HIPK2: variants seen among roughly 807,000 people sequenced by gnomAD.
The protein encoded by HIPK2 is homeodomain-interacting protein kinase 2.
A neutral mutation model predicts 113.7 loss-of-function variants in HIPK2; 27 were observed. That is an observed-to-expected ratio of 0.24 (90% CI 0.17 to 0.33). The LOEUF is 0.33. HIPK2 is among the 10% of genes least tolerant of loss of function. The pLI is 1.00. For synonymous variants in HIPK2, 631 were observed against 642.2 expected, an observed-to-expected ratio of 0.98 and a Z score of 0.26; for missense variants, 1,257 against 1,588.0, an observed-to-expected ratio of 0.79 and a Z score of 3.54.
intron 1 of HIPK2, among the ~76,000 whole-genome samples, chr7:139,717,935 G>T (rs1460542966): frequency 6.6e-6 from 1 of 151,836 alleles, no homozygotes; most frequent in Non-Finnish European, 1.5e-5. Context: ...GTAGGGATGG[G>T]GTTTCACCAT....
intron 2 of HIPK2, among the ~76,000 whole-genome samples, chr7:139,710,569 G>C (rs1179563269): frequency 6.6e-6 from 1 of 152,224 alleles, no homozygotes; most frequent in Non-Finnish European, 1.5e-5. Flanking sequence ...TCCTCAAAGA[G>C]ACTGTGAACT....
At chr7:139,751,376 T>C (rs1796275084) in intron 1 of HIPK2, among the ~76,000 whole-genome samples, 1 of 152,190 alleles carries the variant, frequency 6.6e-6, no homozygotes, top group Non-Finnish European at 1.5e-5. Context: ...CCCCTTTGTG[T>C]GACTCAAGAA....
At chr7:139,575,391 C>T in intron 13 of HIPK2, 103 bp from the exon 14 acceptor site, 19 of 1,349,580 alleles carry the variant, frequency 1.4e-5, no homozygotes, top group Non-Finnish European at 1.9e-5. Flanking sequence ...GAAACATGTG[C>T]CTGAGGCCGG....
intron 2 of HIPK2, among the ~76,000 whole-genome samples, chr7:139,687,902 G>T (rs1794274463): frequency 6.6e-6 from 1 of 152,196 alleles, no homozygotes; most frequent in African/African-American, 2.4e-5. Flanking sequence ...GAGAGGAGAT[G>T]AAATTTCCCA....
At chr7:139,646,704 C>G (rs568731253) in intron 2 of HIPK2, among the ~76,000 whole-genome samples, 27 of 152,104 alleles carry the variant, frequency 1.8e-4, no homozygotes, top group Non-Finnish European at 3.7e-4. Flanking sequence ...CTCGTGAGCC[C>G]CAAACACTAC....
At chr7:139,757,789 A>G (rs931506341) in intron 1 of HIPK2, among the ~76,000 whole-genome samples, 1 of 152,202 alleles carries the variant, frequency 6.6e-6, no homozygotes, top group African/African-American at 2.4e-5. Context: ...TGGTTGCACA[A>G]TTTGTGAATA....
intron 1 of HIPK2, among the ~76,000 whole-genome samples, chr7:139,764,733 C>T (rs1034900643): frequency 2.0e-5 from 3 of 152,000 alleles, no homozygotes; most frequent in East Asian, 1.9e-4. Flanking sequence ...TGTCACCTGG[C>T]GAGAGGGGTA....
chr7:139,614,428 T>C lies in HIPK2; in HGVS notation c.1848A>G (p.Pro616=). Residue 616 remains proline, a synonymous_variant, in exon 8 of 15, where the codon CCA becomes CCG. Transcript: ENST00000406875. ...CCGCTGAGGGCTGGTAGAGTGTAGA[T>C]GGGTAGTTTAGTATGGAGACTTCGG... ...ANPEVSILNY[P]STLYQPSAAS... The C allele has an allele frequency of 6.4e-7, 1 of 1,550,894 alleles. No homozygotes were observed. Among genetic ancestry groups the C allele is most frequent in the Non-Finnish European group, 8.8e-7 (1 of 1,142,582 alleles).
chr7:139,663,158 C>T (rs1479025140), intron 2 of HIPK2, among the ~76,000 whole-genome samples: 2 of 152,198 alleles, frequency 1.3e-5, no homozygotes, highest in African/African-American at 4.8e-5. Flanking sequence ...GCCCACTGGC[C>T]TTTCAGAGTG....
rs1343761002 is a variant in HIPK2, at chr7:139,565,300, T to A, written c.*7627A>T. On this transcript the variant is annotated 3_prime_UTR_variant, in exon 15 of 15. Transcript: ENST00000406875. ...TCCGATTAGTTAGGTTTGCTTCCAATGGAGTTAAAGTTCTAAAAGATTCTA... is the reference window on the plus strand; with the variant it reads ...TCCGATTAGTTAGGTTTGCTTCCAAAGGAGTTAAAGTTCTAAAAGATTCTA... 6.6e-6 allele frequency: 1 copy of A among 152,152 alleles called. No individual in the cohort carries two copies. The highest frequency in any genetic ancestry group is 1.5e-5 in the Non-Finnish European group (1 of 68,044). The allele number at this position is 152,152 out of a possible 1,614,324, so 9.4% of individuals were successfully genotyped here.
chr7:139,717,427 C>T (rs945772625), intron 1 of HIPK2, among the ~76,000 whole-genome samples: 1 of 152,170 alleles, frequency 6.6e-6, no homozygotes, highest in East Asian at 1.9e-4. Context: ...TCAGCCTTGT[C>T]CACAGACCCT....
In HIPK2 at chr7:139,699,414, T is replaced by C. The variant is rs1446508950; in HGVS notation, c.1103+16518A>G. On this transcript the variant is annotated intron_variant, in intron 2 of 14. Coordinates refer to ENST00000406875, the MANE Select transcript of HIPK2 (RefSeq NM_022740.5). ...GAAAGGAGGATAATGTGAATATGTA[T>C]AGGCTCCCTCCCCGCCTCCTCTTTA... is the stretch of plus-strand genomic sequence containing the variant. Among the ~76,000 whole-genome samples the C allele has an allele frequency of 3.2e-4, 48 of 152,154 alleles. 1 individual carries two copies. The highest frequency in any genetic ancestry group is 1.5e-5 in the Non-Finnish European group (1 of 68,018).
At chr7:139,608,165 A>G (rs1314135566) in intron 9 of HIPK2, among the ~76,000 whole-genome samples, 2 of 151,306 alleles carry the variant, frequency 1.3e-5, no homozygotes, top group Non-Finnish European at 2.9e-5. Flanking sequence ...AATTGCTTGA[A>G]CCCAGGAGGC....
intron 1 of HIPK2, among the ~76,000 whole-genome samples, chr7:139,735,163 T>C (rs1202856393): frequency 6.6e-6 from 1 of 152,210 alleles, no homozygotes; most frequent in Non-Finnish European, 1.5e-5. Context: ...AAGTATCCCA[T>C]GAGCAGAGAA....
intron 1 of HIPK2, among the ~76,000 whole-genome samples, chr7:139,745,711 A>G (rs1585449566): frequency 1.3e-5 from 2 of 150,928 alleles, no homozygotes; most frequent in African/African-American, 2.4e-5. Flanking sequence ...CACCTTCCAC[A>G]CCCCCCTCAC....
chr7:139,706,153 A>G (rs1297242035), intron 2 of HIPK2, among the ~76,000 whole-genome samples: 2 of 152,192 alleles, frequency 1.3e-5, no homozygotes, highest in African/African-American at 4.8e-5. Flanking sequence ...ATGGGACAAG[A>G]CAGATGTTGG....
At chr7:139,738,783 T>C (rs1325873345) in intron 1 of HIPK2, among the ~76,000 whole-genome samples, 1 of 152,234 alleles carries the variant, frequency 6.6e-6, no homozygotes, top group Non-Finnish European at 1.5e-5. Context: ...TTGGAAACTA[T>C]TTCCAAATAA....
intron 2 of HIPK2, among the ~76,000 whole-genome samples, chr7:139,633,116 A>G (rs920017385): frequency 1.4e-3 from 153 of 113,230 alleles, no homozygotes; most frequent in Non-Finnish European, 2.1e-3. Context: ...AAAAAAAAAA[A>G]AAAGAAAGAA....
At chr7:139,770,455 C>T (rs1796630165) in intron 1 of HIPK2, among the ~76,000 whole-genome samples, 2 of 152,182 alleles carry the variant, frequency 1.3e-5, no homozygotes, top group Non-Finnish European at 2.9e-5. Flanking sequence ...AATGATTTTA[C>T]TTGGGAATAA....
Sources: allele counts gnomAD v4.1 joint callset (sites outside exome capture counted in the v4.1 genomes callset), GRCh38; gene constraint gnomAD v4.1.1; transcripts MANE v1.5; gene names NCBI Gene and HGNC (gene_info 2026-07-23, HGNC 2026-07-21).